ZIK1: variants seen among roughly 807,000 people sequenced by gnomAD.
ZIK1 encodes zinc finger protein interacting with K protein 1.
Under a neutral mutation model 10.7 loss-of-function variants are expected in ZIK1, and 12 were observed. The observed-to-expected ratio is 1.12, with a 90% CI of 0.72 to 1.81. ZIK1 has a LOEUF of 1.81. Ranked by LOEUF, ZIK1 falls within the 40% of genes most tolerant of loss-of-function variation. The pLI is 0.00. For synonymous variants in ZIK1, 190 were observed against 205.0 expected (o/e 0.93, Z 0.63); for missense variants, 497 against 585.7 (o/e 0.85, Z 1.56).
In ZIK1 at chr19:57,584,161, G is replaced by T; in HGVS notation, c.-196G>T. ...TATCACTTCAGTGGCGGTCATTTTT[G>T]CAGCGCTTGGGTGCATCCAGACCGT... is the stretch of plus-strand genomic sequence containing the variant. On this transcript the variant is annotated 5_prime_UTR_variant, in exon 1 of 4. Transcript: ENST00000597850. 4 of 1,057,330 alleles carry T rather than the reference G, an allele frequency of 3.8e-6. No homozygotes were observed. The highest frequency in any genetic ancestry group is 2.6e-6 in the Non-Finnish European group (2 of 764,794). 65.5% of individuals were successfully genotyped at this position (1,057,330 alleles called of 1,614,324 possible). A position where few individuals can be genotyped will look rare whatever the true frequency, so the allele number is the denominator to read the frequency against.
rs529804006 is a variant in ZIK1, at chr19:57,585,804, G to A, written c.72+814G>A. Among the ~76,000 whole-genome samples the A allele has an allele frequency of 1.4e-4, 22 of 152,108 alleles. No individual in the cohort carries two copies. In the South Asian group the frequency reaches 2.9e-3, roughly 20 times the overall value. On this transcript the variant is annotated intron_variant, in intron 2 of 3. Transcript: ENST00000597850. The stretch of plus-strand genomic sequence containing the variant: ...GCTCTTTGCAACCTCCACCTCCCGG[G>A]TTCAAGCAATCCTCCTGCCTCAGCC...
chr19:57,588,395 G>C (rs1011554908), intron 2 of ZIK1, 144 bp from the exon 3 acceptor site: 3 of 1,024,618 alleles, frequency 2.9e-6, no homozygotes, highest in Non-Finnish European at 4.0e-6. Context: ...TGCTGTAGAA[G>C]GATACAGTGA....
In ZIK1 at chr19:57,590,569, C is replaced by G. The variant is rs767823507; in HGVS notation, c.758C>G (p.Ser253Ter). The change falls in exon 4 of 4, where the codon TCA becomes TGA. Residue 253 changes from serine to a stop codon, truncating the protein, a stop_gained. Coordinates refer to ENST00000597850, the MANE Select transcript of ZIK1 (RefSeq NM_001010879.4). LOFTEE classifies it low-confidence loss of function (END_TRUNC). ...KCGKAFRGKY[S>*]LVQHQRVHTG... ...GGGAAAGCCTTCCGTGGCAAGTACT[C>G]ACTTGTTCAGCACCAGAGAGTCCAT... is the stretch of plus-strand genomic sequence containing the variant. 6.2e-7 allele frequency: 1 copy of G among 1,614,192 alleles called. No homozygotes were observed. Among genetic ancestry groups the G allele is most frequent in the Non-Finnish European group, 8.5e-7 (1 of 1,180,030 alleles).
intron 1 of ZIK1, 49 bp from the exon 2 acceptor site, chr19:57,584,903 T>C: frequency 6.2e-7 from 1 of 1,602,330 alleles, no homozygotes; most frequent in Non-Finnish European, 8.5e-7. Flanking sequence ...CCTGAATCCG[T>C]AGAGCCCTGT....
rs771002245 is a variant in ZIK1, at chr19:57,590,170, G to C, written c.359G>C (p.Gly120Ala). The C allele has an allele frequency of 6.2e-7, 1 of 1,614,068 alleles. No individual in the cohort carries two copies. The highest frequency in any genetic ancestry group is 8.5e-7 in the Non-Finnish European group (1 of 1,180,026). ...ATTTTGCATCTAGCTGATCTCCCTG[G>C]GCAGAAACCATACTTGGTTGGAGAA... ...KDILHLADLP[G>A]QKPYLVGECT... is the part of the protein sequence containing the mutation. Residue 120 changes from glycine (G) to alanine (A), a missense_variant, in exon 4 of 4, where the codon GGG becomes GCG. Coordinates refer to ENST00000597850, the MANE Select transcript of ZIK1 (RefSeq NM_001010879.4).
intron 2 of ZIK1, among the ~76,000 whole-genome samples, chr19:57,586,722 T>G (rs1173572039): frequency 6.6e-6 from 1 of 152,170 alleles, no homozygotes; most frequent in Non-Finnish European, 1.5e-5. Context: ...TCAGTCCATT[T>G]TCACACTGCT....
At chr19:57,587,742 G>A (rs1286504436) in intron 2 of ZIK1, among the ~76,000 whole-genome samples, 2 of 152,132 alleles carry the variant, frequency 1.3e-5, no homozygotes, top group African/African-American at 2.4e-5. Flanking sequence ...GTAAAAACTC[G>A]CCAGGAATTT....
chr19:57,588,065 A>G (rs1421229963), intron 2 of ZIK1, among the ~76,000 whole-genome samples: 1 of 152,142 alleles, frequency 6.6e-6, no homozygotes, highest in African/African-American at 2.4e-5. Context: ...GGGGCTGTCT[A>G]TGACAGTAGG....
rs1340463327 is a variant in ZIK1 at position 57,588,574 on chromosome 19, C to A, written c.108C>A (p.Phe36Leu). 1.3e-6 allele frequency: 2 copies of A among 1,578,184 alleles called. No individual in the cohort carries two copies. The highest frequency in any genetic ancestry group is 1.7e-6 in the Non-Finnish European group (2 of 1,158,974). ...CCTTTGAGGACATCGCCATTTACTT[C>A]TCACAGGACGAGTGGGGACTTCTTG... ...CVTFEDIAIY[F>L]SQDEWGLLDE... The change falls in exon 3 of 4, where the codon TTC (phenylalanine) becomes TTA (leucine). Residue 36 changes from phenylalanine to leucine, a missense_variant. Physicochemically the swap from Phe to Leu is conservative, Grantham distance 22. Coordinates refer to ENST00000597850, the MANE Select transcript of ZIK1 (RefSeq NM_001010879.4).
intron 3 of ZIK1, 73 bp from the exon 4 acceptor site, chr19:57,589,938 G>C: frequency 6.7e-7 from 1 of 1,501,374 alleles, no homozygotes; most frequent in Non-Finnish European, 9.0e-7. Flanking sequence ...TCATTCGTTT[G>C]GTATGTGTGT....
In ZIK1 at chr19:57,584,175, C is replaced by A; in HGVS notation, c.-182C>A. The stretch of plus-strand genomic sequence containing the variant: ...CGGTCATTTTTGCAGCGCTTGGGTG[C>A]ATCCAGACCGTCAGAGCTTTGGGAG... On this transcript the variant is annotated 5_prime_UTR_variant, in exon 1 of 4. Transcript: ENST00000597850. 8.5e-7 allele frequency: 1 copy of A among 1,182,642 alleles called. No individual in the cohort carries two copies. The highest frequency in any genetic ancestry group is 1.1e-6 in the Non-Finnish European group (1 of 872,240). The allele number at this position is 1,182,642 out of a possible 1,614,324, so 73.3% of individuals were successfully genotyped here.
intron 3 of ZIK1, 70 bp from the exon 4 acceptor site, chr19:57,589,941 A>G: frequency 6.7e-7 from 1 of 1,503,528 alleles, no homozygotes; most frequent in Admixed American, 2.0e-5. Flanking sequence ...TTCGTTTGGT[A>G]TGTGTGTAAT....
chr19:57,587,893 G>T (rs1979306294), intron 2 of ZIK1, among the ~76,000 whole-genome samples: 1 of 152,114 alleles, frequency 6.6e-6, no homozygotes. Flanking sequence ...CACTGATTTT[G>T]AATGAGGGTT....
intron 2 of ZIK1, among the ~76,000 whole-genome samples, chr19:57,585,823 C>A (rs936505222): frequency 4.6e-5 from 7 of 152,086 alleles, no homozygotes; most frequent in Non-Finnish European, 8.8e-5. Flanking sequence ...ATCCTCCTGC[C>A]TCAGCCTCCT....
Position 57,591,405 on chromosome 19 carries a change from C to A in ZIK1, c.*130C>A. On this transcript the variant is annotated 3_prime_UTR_variant, in exon 4 of 4. Coordinates refer to ENST00000597850, the MANE Select transcript of ZIK1 (RefSeq NM_001010879.4). The stretch of plus-strand genomic sequence containing the variant: ...AAGTGCTGTCTCTGTAGTATTGTAG[C>A]AGTAGAGAGCCTTTGTGAGGGAGCC... 1.1e-6 allele frequency: 1 copy of A among 923,694 alleles called. No individual in the cohort carries two copies. Among genetic ancestry groups the A allele is most frequent in the Non-Finnish European group, 1.6e-6 (1 of 628,484 alleles). 57.2% of individuals were successfully genotyped at this position (923,694 alleles called of 1,614,324 possible).
chr19:57,590,493 T>A lies in ZIK1; in HGVS notation c.682T>A (p.Tyr228Asn), dbSNP rs1164853950. Reference sequence around the variant, plus strand: ...TTCCAGGCACAAACACACTCCTGTTTACCATCCAAGAGTCTACACTGGAAA... The same window carrying A: ...TTCCAGGCACAAACACACTCCTGTTAACCATCCAAGAGTCTACACTGGAAA... ...KASRHKHTPV[Y>N]HPRVYTGKKL... is the part of the protein sequence containing the mutation. The change falls in exon 4 of 4, where the codon TAC becomes AAC. Residue 228 changes from tyrosine to asparagine, a missense_variant. Tyr to Asn is a moderately radical substitution (Grantham distance 143, BLOSUM62 -2). Transcript: ENST00000597850. 2 of 1,613,884 alleles carry A rather than the reference T, an allele frequency of 1.2e-6. No individual in the cohort carries two copies. Among genetic ancestry groups the A allele is most frequent in the Non-Finnish European group, 1.7e-6 (2 of 1,179,954 alleles).
At position 57,590,210 on chromosome 19, in the gene ZIK1, C is replaced by T. The variant is rs569753895; in HGVS notation, c.399C>T (p.His133=). The T allele has an allele frequency of 5.6e-6, 9 of 1,614,108 alleles. No homozygotes were observed. The African/African-American group carries it at 1.2e-4, about 22-fold the overall frequency. Residue 133 remains histidine (H), a synonymous_variant, in exon 4 of 4, where the codon CAC becomes CAT. Coordinates refer to ENST00000597850, the MANE Select transcript of ZIK1 (RefSeq NM_001010879.4). Reference sequence around the variant, plus strand: ...TGGTTGGAGAATGTACAAACCATCACCAGCACCAGAAGCATCACAGTGCAA... The same window carrying T: ...TGGTTGGAGAATGTACAAACCATCATCAGCACCAGAAGCATCACAGTGCAA... The part of the protein sequence containing the change: ...PYLVGECTNH[H]QHQKHHSAKK...
chr19:57,589,372 A>G (rs1015932206), intron 3 of ZIK1: 5 of 985,248 alleles, frequency 5.1e-6, no homozygotes, highest in African/African-American at 1.7e-5. Flanking sequence ...TTGGGTGCAC[A>G]TGCCACTGGC....
At position 57,584,297 on chromosome 19, in the gene ZIK1, T is replaced by C; in HGVS notation, c.-60T>C. 3 of 1,541,198 alleles carry C rather than the reference T, an allele frequency of 1.9e-6. No individual in the cohort carries two copies. The highest frequency in any genetic ancestry group is 2.6e-6 in the Non-Finnish European group (3 of 1,142,138). ...TCGGCGGCGGCGGGGTTGACGGCTTTGCCTAGGTCCCTCCGCCCGTAGCTG... is the reference window on the plus strand; with the variant it reads ...TCGGCGGCGGCGGGGTTGACGGCTTCGCCTAGGTCCCTCCGCCCGTAGCTG... On this transcript the variant is annotated 5_prime_UTR_variant, in exon 1 of 4. Transcript: ENST00000597850.
Sources: gnomAD v4.1 joint callset for allele counts (sites outside exome capture counted in the v4.1 genomes callset) on GRCh38, gnomAD v4.1.1 for gene constraint, MANE v1.5 for transcripts, NCBI Gene and HGNC (gene_info 2026-07-23, HGNC 2026-07-21) for gene names.